The following ATG7 variants were observed in gnomAD, a reference collection of about 807,000 sequenced individuals.
ATG7 encodes the protein autophagy related 7.
In ATG7, 70 loss-of-function variants were observed where a neutral mutation model predicts 82.4. That is an observed-to-expected ratio of 0.85 (90% CI 0.70 to 1.04). The LOEUF (loss-of-function observed/expected upper bound fraction) is 1.04. Among genes scored for constraint, ATG7 ranks in the 50% least tolerant of loss-of-function variants. The pLI is 0.00. For missense variants in ATG7, 792 were observed against 864.3 expected, an observed-to-expected ratio of 0.92 and a Z score of 1.05; for synonymous variants, 287 against 313.0, an observed-to-expected ratio of 0.92 and a Z score of 0.88.
chr3:11,363,664 A>T (rs1575715075), intron 17 of ATG7, among the ~76,000 whole-genome samples: 2 of 152,370 alleles, frequency 1.3e-5, no homozygotes, highest in South Asian at 4.1e-4. Flanking sequence ...TTTACATAGT[A>T]AATGGAAAAG....
At chr3:11,519,601 C>T (rs1437319904) in intron 20 of ATG7, among the ~76,000 whole-genome samples, 2 of 127,236 alleles carry the variant, frequency 1.6e-5, no homozygotes, top group Non-Finnish European at 3.2e-5. Flanking sequence ...TCTCTGTCGC[C>T]CAGGCTGGAG....
At chr3:11,511,424 T>TCACAAAC (rs1346874841) in intron 20 of ATG7, among the ~76,000 whole-genome samples, 1 of 152,188 alleles carries the variant, frequency 6.6e-6, no homozygotes. Context: ...ACTGGTGCAT[T>TCACAAAC]CACAAACCTT....
intron 20 of ATG7, among the ~76,000 whole-genome samples, chr3:11,512,287 C>T (rs1350101504): frequency 1.3e-5 from 2 of 152,206 alleles, no homozygotes; most frequent in Non-Finnish European, 2.9e-5. Context: ...ACTTCCTGAA[C>T]CAAGTACTGG....
the ATG7 span, chr3:11,564,878 G>A: frequency 6.2e-7 from 1 of 1,609,264 alleles, no homozygotes; most frequent in East Asian, 2.2e-5. Context: ...TCAGTGCGAG[G>A]GGCTGCTCCA....
chr3:11,523,668 T>C (rs1042741185), intron 20 of ATG7, among the ~76,000 whole-genome samples: 3 of 152,204 alleles, frequency 2.0e-5, no homozygotes, highest in Admixed American at 2.0e-4. Context: ...TCTGGTGATG[T>C]TGGCACTGAG....
chr3:11,412,261 C>CTTTT (rs71055869), intron 19 of ATG7, among the ~76,000 whole-genome samples: 3 of 137,816 alleles, frequency 2.2e-5, no homozygotes, highest in Non-Finnish European at 1.6e-5. Context: ...TTATTTGATT[C>CTTTT]TTTTTTTTTT....
intron 20 of ATG7, among the ~76,000 whole-genome samples, chr3:11,458,980 C>G (rs552655393): frequency 2.6e-5 from 4 of 152,268 alleles, no homozygotes; most frequent in African/African-American, 9.6e-5. Flanking sequence ...TTATGAGATT[C>G]TAACACCTGA....
intron 20 of ATG7, among the ~76,000 whole-genome samples, chr3:11,534,280 G>A (rs1017145932): frequency 6.6e-6 from 1 of 152,268 alleles, no homozygotes; most frequent in Non-Finnish European, 1.5e-5. Flanking sequence ...GGACTGAGTC[G>A]ATTCTGCGGC....
Position 11,413,046 on chromosome 3 carries a change from G to A in ATG7, c.1957-13758G>A, listed in dbSNP as rs573600672. Among the ~76,000 whole-genome samples the A allele has an allele frequency of 2.6e-5, 4 of 152,148 alleles. No individual in the cohort carries two copies. The East Asian group carries it at 7.7e-4, about 29-fold the overall frequency. On this transcript the variant is annotated intron_variant, in intron 19 of 20. Coordinates refer to ENST00000693202, the MANE Select transcript of ATG7 (RefSeq NM_001349232.2). ...TTTTATGTTAACTTTGTATCCTGCT[G>A]CTTTGCTGAATTCAGTTTTTGTAGA...
chr3:11,369,305 C>T (rs1274848154), intron 18 of ATG7, among the ~76,000 whole-genome samples: 1 of 150,934 alleles, frequency 6.6e-6, no homozygotes, highest in Non-Finnish European at 1.5e-5. Context: ...TCCTTTACCC[C>T]TCTGGTTCTA....
chr3:11,573,369 AAGAAAGAAAG>A, the ATG7 span, among the ~76,000 whole-genome samples: 1 of 144,258 alleles, frequency 6.9e-6, no homozygotes, highest in African/African-American at 2.6e-5. Flanking sequence ...GAAAGAAAGA[AAGAAAGAAAG>A]AAAGAAAGAA....
At chr3:11,458,903 T>C (rs1198683673) in intron 20 of ATG7, among the ~76,000 whole-genome samples, 2 of 152,140 alleles carry the variant, frequency 1.3e-5, no homozygotes, top group Non-Finnish European at 2.9e-5. Flanking sequence ...AGCGGAGCAT[T>C]AGATTCTCAT....
chr3:11,343,576 GTTA>G (rs1219678979), intron 13 of ATG7, among the ~76,000 whole-genome samples: 3 of 151,964 alleles, frequency 2.0e-5, no homozygotes, highest in African/African-American at 7.2e-5. Flanking sequence ...TCAGCTTTAT[GTTA>G]TTATATGTGT....
the ATG7 span, among the ~76,000 whole-genome samples, chr3:11,573,252 AAAG>A: frequency 7.6e-3 from 271 of 35,672 alleles, 24 homozygotes; most frequent in African/African-American, 0.02. Flanking sequence ...ATAGAGAAAG[AAAG>A]AAAGAAAGAA....
At position 11,358,289 on chromosome 3, in the gene ATG7, C is replaced by G; in HGVS notation, c.1285-129C>G. The G allele has an allele frequency of 4.5e-6, 4 of 893,882 alleles. No homozygotes were observed. The South Asian group carries it at 6.5e-5, about 14-fold the overall frequency. 55.4% of individuals were successfully genotyped at this position (893,882 alleles called of 1,614,324 possible). A position where few individuals can be genotyped will look rare whatever the true frequency, so the allele number is the denominator to read the frequency against. ...GAGAGAGGGCGTGGGAAGGGTGCAG[C>G]ATAATAGTGCACAGGGAGCTCTCAT... On this transcript the variant is annotated intron_variant, in intron 14 of 20. Transcript: ENST00000693202.
chr3:11,344,127 T>C (rs778413473), intron 13 of ATG7, among the ~76,000 whole-genome samples: 10 of 138,550 alleles, frequency 7.2e-5, no homozygotes, highest in East Asian at 1.9e-4. Context: ...GTAGGAAAAA[T>C]AGTGAATTTT....
At chr3:11,572,686 CTTG>C in the ATG7 span, among the ~76,000 whole-genome samples, 1 of 152,178 alleles carries the variant, frequency 6.6e-6, no homozygotes, top group African/African-American at 2.4e-5. Context: ...CACTGTATGT[CTTG>C]TTGTACAACC....
At chr3:11,536,530 T>G (rs1575233974) in intron 20 of ATG7, among the ~76,000 whole-genome samples, 1 of 152,292 alleles carries the variant, frequency 6.6e-6, no homozygotes, top group East Asian at 1.9e-4. Flanking sequence ...AACTTCTGTT[T>G]CCCATGCAAA....
At chr3:11,342,321 G>T (rs767268369) in intron 13 of ATG7, 42 bp downstream of exon 13, 77 of 1,577,482 alleles carry the variant, frequency 4.9e-5, no homozygotes, top group Non-Finnish European at 6.3e-5. Context: ...CTTTGAAGTT[G>T]TAGCTTCTCT....
Sources: gnomAD v4.1 joint callset for allele counts (sites outside exome capture counted in the v4.1 genomes callset) on GRCh38, gnomAD v4.1.1 for gene constraint, MANE v1.5 for transcripts, NCBI Gene and HGNC (gene_info 2026-07-23, HGNC 2026-07-21) for gene names.